Variants in PIK3R3 observed in about 807,000 individuals in gnomAD.
The protein encoded by PIK3R3 is phosphatidylinositol 3-kinase regulatory subunit gamma.
PIK3R3 carries 64 observed loss-of-function variants against 62.9 expected under a neutral mutation model. That is an observed-to-expected ratio of 1.02 (90% CI 0.83 to 1.25). The LOEUF is 1.25. PIK3R3 is among the 50% of genes most tolerant of loss of function. PIK3R3 has a pLI of 0.00. For synonymous variants in PIK3R3, 165 were observed against 189.0 expected, an observed-to-expected ratio of 0.87 and a Z score of 1.04; for missense variants, 614 against 561.6, an observed-to-expected ratio of 1.09 and a Z score of -0.94.
chr1:46,147,844 G>A, the PIK3R3 span, among the ~76,000 whole-genome samples: 1 of 152,074 alleles, frequency 6.6e-6, no homozygotes, highest in African/African-American at 2.4e-5. Context: ...ACATCCATGT[G>A]GGTCAGCAAT....
chr1:46,118,222 G>T (rs886517369), intron 1 of PIK3R3, among the ~76,000 whole-genome samples: 1 of 152,178 alleles, frequency 6.6e-6, no homozygotes, highest in Admixed American at 6.5e-5. Context: ...AATAAAGTGA[G>T]TAAGTCAGTT....
intron 7 of PIK3R3, among the ~76,000 whole-genome samples, chr1:46,054,354 C>A (rs1647661711): frequency 7.7e-6 from 1 of 130,578 alleles, no homozygotes; most frequent in Non-Finnish European, 1.5e-5. Context: ...TGAGATTGTG[C>A]CATTGCACTC....
At chr1:46,097,261 C>G (rs761166873) in intron 1 of PIK3R3, among the ~76,000 whole-genome samples, 1 of 152,102 alleles carries the variant, frequency 6.6e-6, no homozygotes, top group Non-Finnish European at 1.5e-5. Context: ...ATTAAACACC[C>G]TACCAGGTGC....
chr1:46,071,759 A>AGAGAGAAAGAGAGAGAGAGAGC (rs777668187), intron 3 of PIK3R3, among the ~76,000 whole-genome samples: 1 of 100,106 alleles, frequency 1.0e-5, no homozygotes, highest in South Asian at 3.2e-4. Context: ...AGAGAGAGAG[A>AGAGAGAAAGAGAGAGAGAGAGC]GCGCGCGCCT....
chr1:46,161,419 A>G, the PIK3R3 span, among the ~76,000 whole-genome samples: 2 of 152,094 alleles, frequency 1.3e-5, no homozygotes, highest in Non-Finnish European at 2.9e-5. Context: ...AAATGTTAAT[A>G]CTCAGTGCTA....
chr1:46,046,057 G>A lies in PIK3R3; in HGVS notation c.1048C>T (p.Leu350=), dbSNP rs1178094586. 1 of 1,604,858 alleles carries A rather than the reference G, an allele frequency of 6.2e-7. No individual in the cohort carries two copies. Among genetic ancestry groups the A allele is most frequent in the Non-Finnish European group, 8.5e-7 (1 of 1,173,472 alleles). Residue 350 remains leucine (L), a synonymous_variant, in exon 9 of 10, where the codon CTG becomes TTG. Coordinates refer to ENST00000262741, the MANE Select transcript of PIK3R3 (RefSeq NM_003629.4). ...CAGGTTTTCTCATCATAATGGGGCAGGTTTTCATCTTCCTCATTGATAAAA... is the reference window on the plus strand; with the variant it reads ...CAGGTTTTCTCATCATAATGGGGCAAGTTTTCATCTTCCTCATTGATAAAA... The part of the protein sequence containing the change: ...NYFINEEDEN[L]PHYDEKTWFV...
chr1:46,078,477 G>A (rs1485399849), intron 2 of PIK3R3, among the ~76,000 whole-genome samples: 4 of 152,200 alleles, frequency 2.6e-5, no homozygotes, highest in African/African-American at 9.7e-5. Context: ...GGGAGGCGGA[G>A]GTTGCAGTGG....
At chr1:46,080,358 G>A (rs541914389) in intron 2 of PIK3R3, among the ~76,000 whole-genome samples, 1 of 151,738 alleles carries the variant, frequency 6.6e-6, no homozygotes, top group South Asian at 2.1e-4. Context: ...CACTGCACCC[G>A]GCCTTAAATG....
intron 8 of PIK3R3, 123 bp from the exon 9 acceptor site, chr1:46,046,211 G>T: frequency 1.6e-6 from 1 of 634,918 alleles, no homozygotes; most frequent in Non-Finnish European, 2.7e-6. Flanking sequence ...CAATTATTTG[G>T]GTGTTAACTT....
At chr1:46,147,451 C>T in the PIK3R3 span, among the ~76,000 whole-genome samples, 1 of 151,250 alleles carries the variant, frequency 6.6e-6, no homozygotes, top group African/African-American at 2.4e-5. Context: ...CGGAGTCTCG[C>T]TCTGTCACCA....
chr1:46,107,389 A>G (rs1653320679), intron 1 of PIK3R3, among the ~76,000 whole-genome samples: 1 of 151,282 alleles, frequency 6.6e-6, no homozygotes, highest in African/African-American at 2.4e-5. Flanking sequence ...AAGACTTTTT[A>G]TCTAAGCAAA....
At chr1:46,113,980 G>A (rs1243757245) in intron 1 of PIK3R3, among the ~76,000 whole-genome samples, 6 of 152,186 alleles carry the variant, frequency 3.9e-5, no homozygotes, top group Admixed American at 2.6e-4. Context: ...AAAGAGGAGC[G>A]ATGCATGGGT....
intron 1 of PIK3R3, among the ~76,000 whole-genome samples, chr1:46,125,215 T>C (rs1433696882): frequency 6.6e-6 from 1 of 152,174 alleles, no homozygotes; most frequent in Non-Finnish European, 1.5e-5. Flanking sequence ...TAGTGAAACA[T>C]AGTTGGATAC....
At position 46,067,954 on chromosome 1, in the gene PIK3R3, T is replaced by C. The variant is rs569900996; in HGVS notation, c.315-863A>G. 5.9e-5 allele frequency among the ~76,000 whole-genome samples: 9 copies of C among 152,356 alleles called. No individual in the cohort carries two copies. The East Asian group carries it at 1.5e-3, about 26-fold the overall frequency. ...TCTAAAACCACAGCAGGTTGATTCA[T>C]AGCAAAATGCTGTACCATTCCCATT... is the stretch of plus-strand genomic sequence containing the variant. On this transcript the variant is annotated intron_variant, in intron 3 of 9. Transcript: ENST00000262741.
chr1:46,116,313 C>T (rs1303255069), intron 1 of PIK3R3, among the ~76,000 whole-genome samples: 1 of 151,642 alleles, frequency 6.6e-6, no homozygotes, highest in Non-Finnish European at 1.5e-5. Context: ...GAGTTTGAGA[C>T]CATCCTGGGA....
upstream of PIK3R3, among the ~76,000 whole-genome samples, chr1:46,133,783 C>T (rs1230669519): frequency 6.6e-6 from 1 of 151,732 alleles, no homozygotes; most frequent in Non-Finnish European, 1.5e-5. Flanking sequence ...TCTCAGCAAG[C>T]CCTCCTGCTC....
At chr1:46,088,393 A>G (rs957233060) in intron 1 of PIK3R3, among the ~76,000 whole-genome samples, 2 of 152,124 alleles carry the variant, frequency 1.3e-5, no homozygotes, top group East Asian at 1.9e-4. Context: ...AGAGAATTAA[A>G]GGGAAAAAAA....
At chr1:46,092,812 GT>G (rs2149430899) in intron 1 of PIK3R3, among the ~76,000 whole-genome samples, 1 of 72,394 alleles carries the variant, frequency 1.4e-5, no homozygotes, top group East Asian at 3.6e-4. Flanking sequence ...TCCCATACTG[GT>G]CTTCATTTCT....
chr1:46,139,381 C>G, the PIK3R3 span, among the ~76,000 whole-genome samples: 1 of 152,150 alleles, frequency 6.6e-6, no homozygotes, highest in Non-Finnish European at 1.5e-5. Flanking sequence ...TCTGGGCTCA[C>G]TGGAACCTCT....
Sources: gnomAD v4.1 joint callset for allele counts (sites outside exome capture counted in the v4.1 genomes callset) on GRCh38, gnomAD v4.1.1 for gene constraint, MANE v1.5 for transcripts, NCBI Gene and HGNC (gene_info 2026-07-23, HGNC 2026-07-21) for gene names.